The following PRDM10 variants were observed in gnomAD, a reference collection of about 807,000 sequenced individuals.
PRDM10 encodes PR/SET domain 10, also known as PR domain zinc finger protein 10.
A neutral mutation model predicts 133.1 loss-of-function variants in PRDM10; 65 were observed. That is an observed-to-expected ratio of 0.49 (90% CI 0.40 to 0.60). The LOEUF (loss-of-function observed/expected upper bound fraction) is 0.60, where lower values mean the gene tolerates loss of function less well. Ranked by LOEUF, PRDM10 falls within the 20% of genes least tolerant of loss-of-function variation. PRDM10 has a pLI of 0.00. For synonymous variants in PRDM10, 582 were observed against 580.4 expected, an observed-to-expected ratio of 1.00 and a Z score of -0.04; for missense variants, 1,137 against 1,507.1, an observed-to-expected ratio of 0.75 and a Z score of 4.07.
At chr11:129,929,549 ATGTG>A in intron 11 of PRDM10, 1 of 781,422 alleles carries the variant, frequency 1.3e-6, no homozygotes, top group Non-Finnish European at 2.0e-6. Flanking sequence ...ACTTTTTAGA[ATGTG>A]TGAGAGAAAA....
chr11:129,956,787 G>A (rs1951704428), intron 3 of PRDM10, among the ~76,000 whole-genome samples: 1 of 152,144 alleles, frequency 6.6e-6, no homozygotes, highest in African/African-American at 2.4e-5. Context: ...ATTTGGGAGT[G>A]ATCTGAGCCT....
Position 129,944,892 on chromosome 11 carries a change from A to C in PRDM10, c.641T>G (p.Ile214Arg). 1.2e-6 allele frequency: 2 copies of C among 1,614,148 alleles called. 1 individual carries two copies. The highest frequency in any genetic ancestry group is 2.2e-5 in the South Asian group (2 of 91,064). Residue 214 changes from isoleucine (I) to arginine (R), a missense_variant, in exon 6 of 21, where the codon ATA becomes AGA. Ile to Arg is a moderately conservative substitution (Grantham distance 97). This residue lies in a region of PRDM10 where 635 missense variants were observed against 835.2 expected (regional missense o/e 0.76). Coordinates refer to ENST00000360871, the MANE Select transcript of PRDM10 (RefSeq NM_199437.2). The stretch of plus-strand genomic sequence containing the variant: ...GAACACCCCGCCCAGAAACCTGTCT[A>C]TGTAGAGCACCAGGGGGAGGCTCGC... ...ARASLPLVLY[I>R]DRFLGGVFSK... is the part of the protein sequence containing the mutation.
chr11:129,980,115 C>A (rs1213572340), intron 1 of PRDM10, among the ~76,000 whole-genome samples: 2 of 152,176 alleles, frequency 1.3e-5, no homozygotes, highest in African/African-American at 4.8e-5. Context: ...AGGGTGCAAC[C>A]ACTTTGGAAA....
chr11:129,995,055 TG>T (rs1938973787), intron 1 of PRDM10, among the ~76,000 whole-genome samples: 1 of 152,234 alleles, frequency 6.6e-6, no homozygotes, highest in Admixed American at 6.5e-5. Context: ...TTTGTAGTAA[TG>T]TAACATCTCA....
chr11:129,900,348 A>AAGG lies in PRDM10; in HGVS notation c.*1964_*1965insCCT, dbSNP rs960863203. 7.1e-5 allele frequency: 8 copies of AAGG among 112,958 alleles called. No homozygotes were observed. Among genetic ancestry groups the AAGG allele is most frequent in the Non-Finnish European group, 1.3e-4 (7 of 53,220 alleles). The allele number at this position is 112,958 out of a possible 1,614,324, so 7.0% of individuals were successfully genotyped here. On this transcript the variant is annotated 3_prime_UTR_variant, in exon 21 of 21. Transcript: ENST00000360871. The stretch of plus-strand genomic sequence containing the variant: ...TCTTTATTTCACTTAAGGACCAAAG[A>AAGG]AGAAGAAGAAGAAGAAGAAGAAGAA...
chr11:129,925,270 T>C lies in PRDM10; in HGVS notation c.1531-41A>G, dbSNP rs111525494. On this transcript the variant is annotated intron_variant, in intron 11 of 20. Transcript: ENST00000360871. ...AAATGTGATCATTTAGTGATGAAAT[T>C]AAGAGTGCAACTGGATCACACTTTT... is the stretch of plus-strand genomic sequence containing the variant. The C allele has an allele frequency of 5.2e-5, 79 of 1,529,692 alleles. No individual in the cohort carries two copies. The African/African-American group carries it at 8.1e-4, about 16-fold the overall frequency. 94.8% of individuals were successfully genotyped at this position (1,529,692 alleles called of 1,614,324 possible).
At chr11:129,914,668 AT>A (rs754521037) in intron 17 of PRDM10, 35 bp downstream of exon 17, 2 of 1,612,198 alleles carry the variant, frequency 1.2e-6, no homozygotes, top group African/African-American at 1.3e-5. Flanking sequence ...GCAACACGGC[AT>A]TCATAAGGCA....
intron 20 of PRDM10, among the ~76,000 whole-genome samples, 160 bp downstream of exon 20, chr11:129,905,478 G>A (rs1949986072): frequency 6.6e-6 from 1 of 151,820 alleles, no homozygotes; most frequent in Admixed American, 6.6e-5. Flanking sequence ...ACAGGGCACT[G>A]AGGATAAAGT....
At chr11:129,930,908 T>C in intron 11 of PRDM10, 108 bp downstream of exon 11, 2 of 1,443,098 alleles carry the variant, frequency 1.4e-6, no homozygotes, top group Non-Finnish European at 9.3e-7. Context: ...ACAGGCTAGA[T>C]GCAAGATTTC....
At chr11:129,914,605 CAG>C in intron 17 of PRDM10, 97 bp downstream of exon 17, 1 of 1,515,782 alleles carries the variant, frequency 6.6e-7, no homozygotes, top group South Asian at 1.1e-5. Flanking sequence ...AACTTCCACG[CAG>C]AAGGACATTA....
chr11:129,903,921 G>C (rs989520784), intron 20 of PRDM10, among the ~76,000 whole-genome samples: 1 of 152,104 alleles, frequency 6.6e-6, no homozygotes, highest in African/African-American at 2.4e-5. Context: ...CAGGGGGAGA[G>C]AAATAACTTT....
intron 2 of PRDM10, among the ~76,000 whole-genome samples, chr11:129,959,063 G>C (rs1951748927): frequency 6.6e-6 from 1 of 152,294 alleles, no homozygotes; most frequent in Non-Finnish European, 1.5e-5. Flanking sequence ...CGCACTCTTA[G>C]GGTGGAATCC....
intron 1 of PRDM10, among the ~76,000 whole-genome samples, chr11:129,968,657 G>A (rs1331461627): frequency 6.9e-6 from 1 of 145,438 alleles, no homozygotes; most frequent in Non-Finnish European, 1.5e-5. Context: ...GCCCTTCTCA[G>A]CTAAAGCCAA....
intron 1 of PRDM10, among the ~76,000 whole-genome samples, chr11:130,002,027 G>T (rs1344215718): frequency 2.0e-5 from 3 of 151,592 alleles, no homozygotes; most frequent in Admixed American, 2.0e-4. Context: ...ATGGCAAGTG[G>T]GCGGCGCGGC....
At chr11:129,994,279 G>T (rs1001973904) in intron 1 of PRDM10, among the ~76,000 whole-genome samples, 1 of 92,216 alleles carries the variant, frequency 1.1e-5, no homozygotes, top group Non-Finnish European at 1.8e-5. Flanking sequence ...GGCCAACATG[G>T]CAAAACCCCA....
At chr11:129,965,772 T>A (rs1231721868) in intron 1 of PRDM10, among the ~76,000 whole-genome samples, 1 of 151,894 alleles carries the variant, frequency 6.6e-6, no homozygotes, top group African/African-American at 2.4e-5. Context: ...AAAAAAAAGA[T>A]CCCTGGCTTC....
intron 1 of PRDM10, among the ~76,000 whole-genome samples, chr11:129,980,372 C>A (rs775060655): frequency 1.3e-5 from 2 of 152,166 alleles, no homozygotes; most frequent in African/African-American, 2.4e-5. Context: ...CCTAGGAGGA[C>A]AACAGCAGCG....
chr11:129,918,451 G>C lies in PRDM10; in HGVS notation c.2214+88C>G, dbSNP rs1172584508. On this transcript the variant is annotated intron_variant, in intron 14 of 20. Transcript: ENST00000360871. The surrounding 1 kb of genome is among the most constrained non-coding windows in gnomAD (Gnocchi z 5.3). The stretch of plus-strand genomic sequence containing the variant: ...CAAAACCATTGATCGATATAACTTA[G>C]GACACAATGCAACACAAACGTCACC... 1 of 1,460,252 alleles carries C rather than the reference G, an allele frequency of 6.8e-7. No individual in the cohort carries two copies. The highest frequency in any genetic ancestry group is 1.4e-5 in the African/African-American group (1 of 70,640). The allele number at this position is 1,460,252 out of a possible 1,614,324, so 90.5% of individuals were successfully genotyped here. A position where few individuals can be genotyped will look rare whatever the true frequency, so the allele number is the denominator to read the frequency against.
intron 1 of PRDM10, among the ~76,000 whole-genome samples, chr11:129,989,930 C>T (rs1326470601): frequency 1.6e-4 from 25 of 152,150 alleles, no homozygotes; most frequent in African/African-American, 4.8e-5. Flanking sequence ...AGGCCGGGCA[C>T]GGTGGCTCAT....
Sources: gnomAD v4.1 joint callset for allele counts (sites outside exome capture counted in the v4.1 genomes callset) on GRCh38, gnomAD v4.1.1 for gene constraint, gnomAD v4.1.1 regional missense constraint, Gnocchi (gnomAD v3.1) non-coding constraint, MANE v1.5 for transcripts, NCBI Gene and HGNC (gene_info 2026-07-23, HGNC 2026-07-21) for gene names.